LYN: variants seen among roughly 807,000 people sequenced by gnomAD.
LYN encodes LYN proto-oncogene, Src family tyrosine kinase.
In LYN, 12 loss-of-function variants were observed where a neutral mutation model predicts 65.0. The ratio of observed to expected loss-of-function variants is 0.18; its 90% CI spans 0.12 to 0.30. The LOEUF (loss-of-function observed/expected upper bound fraction) is 0.30. Ranked by LOEUF, LYN falls within the 10% of genes least tolerant of loss-of-function variation. The pLI, the probability that LYN is intolerant of heterozygous loss-of-function variation, is 1.00. For missense variants in LYN, 380 were observed against 623.2 expected, an observed-to-expected ratio of 0.61 and a Z score of 4.16; for synonymous variants, 222 against 221.2, an observed-to-expected ratio of 1.00 and a Z score of -0.03.
intron 10 of LYN, among the ~76,000 whole-genome samples, chr8:55,992,381 G>A (rs976294895): frequency 3.9e-5 from 6 of 152,170 alleles, no homozygotes; most frequent in Non-Finnish European, 7.4e-5. Context: ...CTAAGTTGCA[G>A]GAAAAACAAG....
At chr8:55,939,594 C>A (rs1336825114) in intron 1 of LYN, among the ~76,000 whole-genome samples, 1 of 152,144 alleles carries the variant, frequency 6.6e-6, no homozygotes, top group African/African-American at 2.4e-5. Flanking sequence ...GGGCTCGGTC[C>A]GTGCTGGGAG....
rs561572037 is a variant in LYN at position 55,933,998 on chromosome 8, C to T, written c.-5-7857C>T. Among the ~76,000 whole-genome samples the T allele has an allele frequency of 5.3e-5, 8 of 152,222 alleles. No homozygotes were observed. In the East Asian group the frequency reaches 5.8e-4, roughly 11 times the overall value. On this transcript the variant is annotated intron_variant, in intron 1 of 12. Coordinates refer to ENST00000519728, the MANE Select transcript of LYN (RefSeq NM_002350.4). ...ATCCCAGCACTTTGGGAGGCCAAGG[C>T]GGGCGGATCACAAGGTCAGGAGTTC...
chr8:55,930,350 T>C (rs866439073), intron 1 of LYN, among the ~76,000 whole-genome samples: 1 of 152,230 alleles, frequency 6.6e-6, no homozygotes, highest in Non-Finnish European at 1.5e-5. Context: ...TTAGATAAGC[T>C]GACAACTCTT....
chr8:55,950,365 A>G, intron 4 of LYN, 94 bp from the exon 5 acceptor site: 1 of 830,912 alleles, frequency 1.2e-6, no homozygotes, highest in Non-Finnish European at 1.9e-6. Flanking sequence ...ATATCTGTAC[A>G]TAAATACATA....
chr8:55,925,697 C>A (rs1247874914), intron 1 of LYN, among the ~76,000 whole-genome samples: 5 of 152,202 alleles, frequency 3.3e-5, no homozygotes, highest in Non-Finnish European at 5.9e-5. Context: ...AACGGAAACA[C>A]CATCTAGAGG....
intron 9 of LYN, among the ~76,000 whole-genome samples, chr8:55,968,800 T>A (rs1027096346): frequency 3.9e-5 from 6 of 152,188 alleles, no homozygotes; most frequent in African/African-American, 1.2e-4. Flanking sequence ...TACATGCCCA[T>A]TTTACAGAGA....
At chr8:55,907,179 TATCTC>T (rs1805451614) in intron 1 of LYN, among the ~76,000 whole-genome samples, 1 of 152,224 alleles carries the variant, frequency 6.6e-6, no homozygotes, top group African/African-American at 2.4e-5. Flanking sequence ...ACCCTGGAAA[TATCTC>T]AGATGTTCAT....
rs1807561143 is a variant in LYN at position 55,969,785 on chromosome 8, T to A, written c.1042T>A (p.Ser348Thr). ...KVLLPKLIDF[S>T]AQIAEGMAYI... ...GCTGCTTCCAAAGCTCATTGACTTTTCTGCTCAGGTAACATATTCAAAAAG... is the reference window on the plus strand; with the variant it reads ...GCTGCTTCCAAAGCTCATTGACTTTACTGCTCAGGTAACATATTCAAAAAG... Residue 348 changes from serine to threonine, a missense_variant, in exon 10 of 13, where the codon TCT becomes ACT. Physicochemically the swap from Ser to Thr is moderately conservative, Grantham distance 58 (BLOSUM62 1). Coordinates refer to ENST00000519728, the MANE Select transcript of LYN (RefSeq NM_002350.4). 1.2e-6 allele frequency: 2 copies of A among 1,614,020 alleles called. No homozygotes were observed. The highest frequency in any genetic ancestry group is 1.7e-6 in the Non-Finnish European group (2 of 1,179,958).
chr8:55,953,883 A>G lies in LYN; in HGVS notation c.689A>G (p.Lys230Arg). 2 of 1,614,144 alleles carry G rather than the reference A, an allele frequency of 1.2e-6. No individual in the cohort carries two copies. Among genetic ancestry groups the G allele is most frequent in the Non-Finnish European group, 1.7e-6 (2 of 1,180,012 alleles). The change falls in exon 8 of 13, where the codon AAG (lysine) becomes AGG (arginine). Residue 230 changes from lysine (K) to arginine (R), a missense_variant. Transcript: ENST00000519728. ...TTGGAGAAGGCTTGTATTAGTCCCA[A>G]GCCACAGAAGCCATGGGATAAAGAT... Reference protein sequence around the residue: ...RRLEKACISPKPQKPWDKDAW... With the variant: ...RRLEKACISPRPQKPWDKDAW...
At chr8:55,888,826 C>T (rs1050420140) in intron 1 of LYN, among the ~76,000 whole-genome samples, 2 of 151,916 alleles carry the variant, frequency 1.3e-5, no homozygotes, top group African/African-American at 4.8e-5. Context: ...GATTTGGCCA[C>T]CACGCCTGGC....
chr8:55,965,508 T>C (rs1807426291), intron 8 of LYN, among the ~76,000 whole-genome samples: 1 of 152,218 alleles, frequency 6.6e-6, no homozygotes, highest in Non-Finnish European at 1.5e-5. Context: ...TTAGTATATA[T>C]AAGTAATTTT....
rs536264391 is a variant in LYN, at chr8:55,986,054, A to G, written c.1051-12292A>G. On this transcript the variant is annotated intron_variant, in intron 10 of 12. Transcript: ENST00000519728. ...TGTGGCAGTGAGCACCTGTGGTCCC[A>G]GTTACTCAGGAGGCTGAGGTAGGAG... 1.2e-3 allele frequency among the ~76,000 whole-genome samples: 188 copies of G among 152,222 alleles called. 2 individuals are homozygous for G. The highest frequency in any genetic ancestry group is 4.2e-3 in the African/African-American group (175 of 41,538).
intron 10 of LYN, among the ~76,000 whole-genome samples, chr8:55,986,869 G>A (rs968928322): frequency 6.6e-6 from 1 of 152,136 alleles, no homozygotes; most frequent in African/African-American, 2.4e-5. Flanking sequence ...GGGACCACAA[G>A]CATGTGCCAC....
chr8:55,977,116 C>T (rs532766706), intron 10 of LYN, among the ~76,000 whole-genome samples: 9 of 151,886 alleles, frequency 5.9e-5, no homozygotes, highest in South Asian at 4.2e-4. Flanking sequence ...ACCCAGAAGG[C>T]GGAGATTGCA....
At chr8:55,933,708 C>T (rs57505087) in intron 1 of LYN, among the ~76,000 whole-genome samples, 2,115 of 152,338 alleles carry the variant, frequency 0.014, 35 homozygotes, top group African/African-American at 0.04. Context: ...TCATTATCCT[C>T]TTTGCACTCC....
At chr8:55,963,319 A>G (rs1161817573) in intron 8 of LYN, among the ~76,000 whole-genome samples, 4 of 152,184 alleles carry the variant, frequency 2.6e-5, no homozygotes, top group Non-Finnish European at 4.4e-5. Flanking sequence ...TCCCAGCTTA[A>G]GATTCTCACC....
intron 10 of LYN, among the ~76,000 whole-genome samples, chr8:55,991,997 C>A (rs188524868): frequency 1.3e-5 from 2 of 152,332 alleles, no homozygotes; most frequent in East Asian, 3.9e-4. Flanking sequence ...TGATTAGTCT[C>A]ATTTTTGGTA....
intron 1 of LYN, among the ~76,000 whole-genome samples, chr8:55,882,840 T>G (rs1804689551): frequency 6.6e-6 from 1 of 152,174 alleles, no homozygotes; most frequent in East Asian, 1.9e-4. Flanking sequence ...GCGGTACCAT[T>G]AGGAGTAGTA....
intron 8 of LYN, among the ~76,000 whole-genome samples, chr8:55,966,226 AT>A (rs1191864545): frequency 6.6e-6 from 1 of 152,108 alleles, no homozygotes; most frequent in African/African-American, 2.4e-5. Context: ...TAATTTAAAC[AT>A]TTTTTGGTAA....
Sources: allele counts gnomAD v4.1 joint callset (sites outside exome capture counted in the v4.1 genomes callset), GRCh38; gene constraint gnomAD v4.1.1; transcripts MANE v1.5; gene names NCBI Gene and HGNC (gene_info 2026-07-23, HGNC 2026-07-21).